Variants in MAGI1 observed in about 807,000 individuals in gnomAD.
The protein encoded by MAGI1 is membrane-associated guanylate kinase, WW and PDZ domain-containing protein 1.
MAGI1 carries 58 observed loss-of-function variants against 139.9 expected under a neutral mutation model. The ratio of observed to expected loss-of-function variants is 0.41; its 90% CI spans 0.34 to 0.52. The LOEUF (loss-of-function observed/expected upper bound fraction) is 0.52, where lower values mean the gene tolerates loss of function less well. Among genes scored for constraint, MAGI1 ranks in the 20% least tolerant of loss-of-function variants. The pLI is 0.12. For synonymous variants in MAGI1, 812 were observed against 737.9 expected, an observed-to-expected ratio of 1.10 and a Z score of -1.63; for missense variants, 1,874 against 1,901.6, an observed-to-expected ratio of 0.99 and a Z score of 0.27.
intron 12 of MAGI1, among the ~76,000 whole-genome samples, chr3:65,405,739 T>C (rs980658016): frequency 1.3e-5 from 2 of 152,116 alleles, no homozygotes; most frequent in African/African-American, 4.8e-5. Flanking sequence ...GGATTACAGG[T>C]GCACGTCACC....
At chr3:65,979,289 T>G (rs2065443656) in intron 1 of MAGI1, among the ~76,000 whole-genome samples, 1 of 152,062 alleles carries the variant, frequency 6.6e-6, no homozygotes, top group Non-Finnish European at 1.5e-5. Context: ...AATGATCACA[T>G]TCCCGGGGTG....
At chr3:65,910,667 C>T (rs905451271) in intron 1 of MAGI1, among the ~76,000 whole-genome samples, 4 of 151,840 alleles carry the variant, frequency 2.6e-5, no homozygotes, top group South Asian at 4.2e-4. Context: ...GCGTTAGAAA[C>T]GAGTGCCCCC....
At chr3:65,931,784 G>C (rs1249078348) in intron 1 of MAGI1, among the ~76,000 whole-genome samples, 1 of 152,140 alleles carries the variant, frequency 6.6e-6, no homozygotes, top group Non-Finnish European at 1.5e-5. Flanking sequence ...ATTACATGTG[G>C]ATTTGAACCC....
intron 1 of MAGI1, among the ~76,000 whole-genome samples, chr3:65,740,037 GACAC>G (rs2035124017): frequency 6.6e-6 from 1 of 152,046 alleles, no homozygotes; most frequent in Admixed American, 6.6e-5. Flanking sequence ...GCAATAGAGG[GACAC>G]AATCAAAAGG....
chr3:66,008,651 G>C (rs1011817149), intron 1 of MAGI1: 1 of 152,224 alleles, frequency 6.6e-6, no homozygotes. Flanking sequence ...TGGAGAAAAT[G>C]ATGTTAGAAT....
chr3:65,884,601 C>CT (rs899152217), intron 1 of MAGI1, among the ~76,000 whole-genome samples: 6 of 151,052 alleles, frequency 4.0e-5, no homozygotes, highest in African/African-American at 7.3e-5. Flanking sequence ...TTTCTTTTTT[C>CT]TTTTTTTTTA....
chr3:65,621,213 C>T (rs952029097), intron 2 of MAGI1, among the ~76,000 whole-genome samples: 5 of 152,124 alleles, frequency 3.3e-5, no homozygotes, highest in Admixed American at 6.5e-5. Context: ...AATCATTCTT[C>T]CCTTGTATTT....
At chr3:65,998,438 T>TA (rs113640586) in intron 1 of MAGI1, among the ~76,000 whole-genome samples, 3,503 of 152,308 alleles carry the variant, frequency 0.023, 112 homozygotes, top group African/African-American at 0.074. Context: ...TTTGCTGAAG[T>TA]AACAAATGAA....
intron 16 of MAGI1, among the ~76,000 whole-genome samples, chr3:65,380,527 C>A (rs564120846): frequency 1.3e-5 from 2 of 152,242 alleles, no homozygotes; most frequent in African/African-American, 4.8e-5. Flanking sequence ...TTCCTCCACC[C>A]CCCACCAACC....
chr3:65,485,177 A>T (rs1951550696), intron 3 of MAGI1, among the ~76,000 whole-genome samples: 2 of 152,136 alleles, frequency 1.3e-5, no homozygotes, highest in African/African-American at 4.8e-5. Flanking sequence ...AATTACCAAG[A>T]TCTGCATCAC....
intron 1 of MAGI1, among the ~76,000 whole-genome samples, chr3:65,684,631 A>C (rs1416335270): frequency 6.6e-6 from 1 of 152,074 alleles, no homozygotes; most frequent in Admixed American, 6.6e-5. Context: ...TTGTGTATAA[A>C]TCTAAATACA....
chr3:66,028,126 G>T (rs527491784), intron 1 of MAGI1, among the ~76,000 whole-genome samples: 16 of 152,178 alleles, frequency 1.1e-4, no homozygotes, highest in African/African-American at 2.4e-4. Flanking sequence ...GCAATGTAGT[G>T]AAACCCCATC....
intron 1 of MAGI1, among the ~76,000 whole-genome samples, chr3:65,803,849 C>T (rs1359964629): frequency 6.6e-6 from 1 of 152,084 alleles, no homozygotes; most frequent in East Asian, 1.9e-4. Context: ...GAAGAGAAAA[C>T]CAAGTACTGA....
At chr3:65,547,436 T>G (rs2079556215) in intron 2 of MAGI1, among the ~76,000 whole-genome samples, 2 of 152,212 alleles carry the variant, frequency 1.3e-5, no homozygotes, top group African/African-American at 4.8e-5. Flanking sequence ...CACGTAGGAT[T>G]TATACAGGTT....
chr3:65,721,367 C>T (rs1341090843), intron 1 of MAGI1, among the ~76,000 whole-genome samples: 1 of 152,152 alleles, frequency 6.6e-6, no homozygotes, highest in Non-Finnish European at 1.5e-5. Context: ...TCATCCAAAC[C>T]AGGATGCATT....
intron 1 of MAGI1, among the ~76,000 whole-genome samples, chr3:65,956,717 G>A (rs2064145582): frequency 6.6e-6 from 1 of 152,102 alleles, no homozygotes; most frequent in African/African-American, 2.4e-5. Context: ...CCTATTGAAG[G>A]CAGGGCATGG....
At chr3:65,531,391 G>A (rs928599540) in intron 2 of MAGI1, among the ~76,000 whole-genome samples, 3 of 152,188 alleles carry the variant, frequency 2.0e-5, no homozygotes, top group Non-Finnish European at 2.9e-5. Context: ...AGGGGAACTC[G>A]GGTGAAGGGT....
intron 1 of MAGI1, among the ~76,000 whole-genome samples, chr3:65,667,576 T>C (rs1206694843): frequency 7.9e-5 from 12 of 152,118 alleles, no homozygotes; most frequent in Admixed American, 7.9e-4. Context: ...TTGAATTTTA[T>C]TTTATTATTT....
intron 1 of MAGI1, among the ~76,000 whole-genome samples, chr3:65,826,657 A>G (rs1051916289): frequency 3.3e-5 from 5 of 152,230 alleles, no homozygotes; most frequent in Admixed American, 3.3e-4. Flanking sequence ...GACATTTATC[A>G]GCATGGATTT....
Sources: allele counts gnomAD v4.1 joint callset (sites outside exome capture counted in the v4.1 genomes callset), GRCh38; gene constraint gnomAD v4.1.1; transcripts MANE v1.5; gene names NCBI Gene and HGNC (gene_info 2026-07-23, HGNC 2026-07-21).